Variants in ADGRL2 observed in about 807,000 individuals in gnomAD.
The protein encoded by ADGRL2 is adhesion G protein-coupled receptor L2, also known as calcium-independent alpha-latrotoxin receptor 2.
A neutral mutation model predicts 157.4 loss-of-function variants in ADGRL2; 44 were observed. The ratio of observed to expected loss-of-function variants is 0.28; its 90% confidence interval spans 0.22 to 0.36. ADGRL2 has a LOEUF of 0.36. Ranked by LOEUF, ADGRL2 falls within the 10% of genes least tolerant of loss-of-function variation. The pLI is 1.00. For synonymous variants in ADGRL2, 585 were observed against 624.7 expected (o/e 0.94, Z 0.95); for missense variants, 1,510 against 1,768.9 (o/e 0.85, Z 2.63).
chr1:81,659,093 G>A (rs111487318), intron 3 of ADGRL2, among the ~76,000 whole-genome samples: 13 of 104,230 alleles, frequency 1.2e-4, no homozygotes, highest in African/African-American at 3.1e-4. Flanking sequence ...ACAGAGTCTC[G>A]CTCTGTCATC....
At chr1:81,370,147 A>G (rs1002090919) in intron 1 of ADGRL2, among the ~76,000 whole-genome samples, 4 of 151,924 alleles carry the variant, frequency 2.6e-5, no homozygotes. Flanking sequence ...AGAAAAAACA[A>G]AAAAAAAGGC....
intron 1 of ADGRL2, among the ~76,000 whole-genome samples, chr1:81,829,095 A>G (rs2091742438): frequency 6.6e-6 from 1 of 152,012 alleles, no homozygotes; most frequent in Non-Finnish European, 1.5e-5. Flanking sequence ...TGTTTTTAGT[A>G]GAGACGGGGT....
Position 81,691,878 on chromosome 1 carries a change from G to GTATATATATATA in ADGRL2, c.-142-69932_-142-69931insATATATATATAT, listed in dbSNP as rs755115574. 1.6e-3 allele frequency among the ~76,000 whole-genome samples: 202 copies of GTATATATATATA among 122,454 alleles called. 4 individuals carry two copies. Among genetic ancestry groups the GTATATATATATA allele is most frequent in the African/African-American group, 1.9e-3 (62 of 32,680 alleles). 80.3% of individuals were successfully genotyped at this position (122,454 alleles called of 152,430 possible). ...TATATATATATATGGGTGTGTGTGTGTGTATATATATATATATGTATGTGT... is the reference window on the plus strand; with the variant it reads ...TATATATATATATGGGTGTGTGTGTGTATATATATATATGTATATATATATATATGTATGTGT... On this transcript the variant is annotated intron_variant, in intron 3 of 24. Transcript: ENST00000370721.
chr1:81,808,575 A>G (rs983036862), intron 1 of ADGRL2, among the ~76,000 whole-genome samples: 2 of 152,020 alleles, frequency 1.3e-5, no homozygotes, highest in African/African-American at 4.8e-5. Context: ...TTGCTTTTCC[A>G]TATTCCTTGG....
At chr1:81,827,806 C>G (rs1158471964) in intron 1 of ADGRL2, among the ~76,000 whole-genome samples, 1 of 152,102 alleles carries the variant, frequency 6.6e-6, no homozygotes, top group Non-Finnish European at 1.5e-5. Context: ...CTCAGCCAAT[C>G]CACCGGCCTC....
At chr1:81,770,535 G>A (rs796665165) in intron 2 of ADGRL2, among the ~76,000 whole-genome samples, 109 of 149,288 alleles carry the variant, frequency 7.3e-4, no homozygotes, top group Middle Eastern at 3.7e-3. Flanking sequence ...GTCCAATGGC[G>A]CGATCTTGGC....
chr1:81,825,890 A>C (rs1223845382), intron 1 of ADGRL2, among the ~76,000 whole-genome samples: 1 of 152,092 alleles, frequency 6.6e-6, no homozygotes, highest in Non-Finnish European at 1.5e-5. Context: ...GGCAAGATGG[A>C]TGGAAGGTGA....
In ADGRL2 at chr1:81,667,513, C is replaced by A. The variant is rs555890675; in HGVS notation, c.-143+86533C>A. Among the ~76,000 whole-genome samples, 41 of 152,278 alleles carry A rather than the reference C, an allele frequency of 2.7e-4. No homozygotes were observed. The South Asian group carries it at 8.3e-3, about 31-fold the overall frequency. On this transcript the variant is annotated intron_variant, in intron 3 of 24. Coordinates refer to the ADGRL2 transcript ENST00000370721. The stretch of plus-strand genomic sequence containing the variant: ...AACAGCTATTGACTAAAGAACTTAG[C>A]TGGGAATGTCTTTCGTCTGTCAACA...
intron 2 of ADGRL2, among the ~76,000 whole-genome samples, chr1:81,580,121 G>A (rs1031758887): frequency 1.3e-5 from 2 of 152,078 alleles, no homozygotes; most frequent in African/African-American, 2.4e-5. Context: ...GAATAAAAGC[G>A]GTAAATTAAG....
chr1:81,951,909 T>C lies in ADGRL2; in HGVS notation c.1609-48T>C, dbSNP rs774815374. On this transcript the variant is annotated intron_variant, in intron 8 of 23. Coordinates refer to ENST00000686636, the MANE Select transcript of ADGRL2 (RefSeq NM_001366006.2). ...GATACTCAAGGAGAACTAGAAGCTG[T>C]AAACAGAAAAAAAAATTTAAATGAG... 3 of 1,486,416 alleles carry C rather than the reference T, an allele frequency of 2.0e-6. No individual in the cohort carries two copies. In the South Asian group the frequency reaches 4.0e-5, roughly 20 times the overall value. 92.1% of individuals were successfully genotyped at this position (1,486,416 alleles called of 1,614,324 possible).
chr1:81,918,561 T>C (rs2094911544), intron 3 of ADGRL2, among the ~76,000 whole-genome samples: 1 of 152,158 alleles, frequency 6.6e-6, no homozygotes, highest in South Asian at 2.1e-4. Flanking sequence ...GAGTAAAATA[T>C]GAAATAGAAT....
rs12075408 is a variant in ADGRL2 at position 81,452,441 on chromosome 1, G to A, written c.-248+7352G>A. Among the ~76,000 whole-genome samples the A allele has an allele frequency of 7.2e-3, 1,090 of 152,174 alleles. 13 individuals carry two copies. The highest frequency in any genetic ancestry group is 0.024 in the African/African-American group (1,016 of 41,526). ...TTTATCTCAATGCCCCTGATACAAA[G>A]TGTATCCTCAGCATCCAGCCCATGG... is the stretch of plus-strand genomic sequence containing the variant. On this transcript the variant is annotated intron_variant, in intron 2 of 24. Coordinates refer to the ADGRL2 transcript ENST00000370721.
At chr1:81,747,240 T>G (rs2085324354) in intron 1 of ADGRL2, among the ~76,000 whole-genome samples, 1 of 148,486 alleles carries the variant, frequency 6.7e-6, no homozygotes, top group South Asian at 2.1e-4. Context: ...TATACATATA[T>G]ATGTATATGT....
At chr1:81,558,839 A>G (rs1284953956) in intron 2 of ADGRL2, among the ~76,000 whole-genome samples, 2 of 152,230 alleles carry the variant, frequency 1.3e-5, no homozygotes, top group African/African-American at 4.8e-5. Context: ...GAAGAGCGAT[A>G]TAATGAACCT....
At position 81,806,108 on chromosome 1, in the gene ADGRL2, TG is replaced by T. The variant is rs2089107382; in HGVS notation, c.-101+5044del. ...GGAGATAGCTCTGGGAGCAGGTAGT[TG>T]GGGAAATCAGAATATTGAATCATGT... On this transcript the variant is annotated intron_variant, in intron 1 of 23. Coordinates refer to ENST00000686636, the MANE Select transcript of ADGRL2 (RefSeq NM_001366006.2). Among the ~76,000 whole-genome samples the T allele has an allele frequency of 2.0e-5, 3 of 152,160 alleles. 1 individual carries two copies. The South Asian group carries it at 6.2e-4, about 32-fold the overall frequency.
At chr1:81,466,582 C>A (rs2078057286) in intron 2 of ADGRL2, among the ~76,000 whole-genome samples, 1 of 152,148 alleles carries the variant, frequency 6.6e-6, no homozygotes, top group Non-Finnish European at 1.5e-5. Context: ...CTAACTCAAA[C>A]TAAACCTAGC....
chr1:81,370,124 G>T (rs946416335), intron 1 of ADGRL2, among the ~76,000 whole-genome samples: 23 of 152,094 alleles, frequency 1.5e-4, no homozygotes, highest in African/African-American at 5.5e-4. Flanking sequence ...ACACAATTTG[G>T]AGGGGAACTG....
intron 2 of ADGRL2, among the ~76,000 whole-genome samples, chr1:81,480,825 T>G (rs914969938): frequency 7.9e-5 from 12 of 152,278 alleles, no homozygotes; most frequent in African/African-American, 2.9e-4. Flanking sequence ...TTTACCCCAC[T>G]CAGCACCCAC....
chr1:81,772,730 A>C (rs2149352080), intron 2 of ADGRL2, among the ~76,000 whole-genome samples: 1 of 152,280 alleles, frequency 6.6e-6, no homozygotes, highest in Non-Finnish European at 1.5e-5. Flanking sequence ...CTCCATCCCA[A>C]AAAAAGAGTA....
Sources: gnomAD v4.1 joint callset for allele counts (sites outside exome capture counted in the v4.1 genomes callset) on GRCh38, gnomAD v4.1.1 for gene constraint, MANE v1.5 for transcripts, NCBI Gene and HGNC (gene_info 2026-07-23, HGNC 2026-07-21) for gene names.